The following NTN4 variants were observed in gnomAD, a reference collection of about 807,000 sequenced individuals.
NTN4 encodes the protein netrin-4.
Under a neutral mutation model 73.6 loss-of-function variants are expected in NTN4, and 32 were observed. That is an observed-to-expected ratio of 0.44 (90% CI 0.33 to 0.58). The LOEUF is 0.58. Among genes scored for constraint, NTN4 ranks in the 20% least tolerant of loss-of-function variants. The probability of loss-of-function intolerance (pLI) is 0.04; values close to 1 mark genes in which losing one functional copy is unlikely to be tolerated. For synonymous variants in NTN4, 258 were observed against 287.5 expected, an observed-to-expected ratio of 0.90 and a Z score of 1.04; for missense variants, 654 against 798.3, an observed-to-expected ratio of 0.82 and a Z score of 2.18.
intron 2 of NTN4, among the ~76,000 whole-genome samples, chr12:95,779,835 G>A (rs539706648): frequency 3.6e-4 from 55 of 152,290 alleles, no homozygotes; most frequent in African/African-American, 1.3e-3. Context: ...CCAAAAAAGA[G>A]CCTGCATTGC....
intron 2 of NTN4, among the ~76,000 whole-genome samples, chr12:95,779,232 C>T (rs1446799755): frequency 6.6e-6 from 1 of 152,120 alleles, no homozygotes; most frequent in Non-Finnish European, 1.5e-5. Context: ...GGAAGCATTC[C>T]CTTTGAAAAC....
Position 95,665,790 on chromosome 12 carries a change from T to A in NTN4, c.1750+20A>T, listed in dbSNP as rs199876569. On this transcript the variant is annotated intron_variant, in intron 9 of 9. Coordinates refer to ENST00000343702, the MANE Select transcript of NTN4 (RefSeq NM_021229.4). ...AGCAGAGACAAGGTAGGTACTAAGATAGGAAAGTCTAATACTCACCAGGAT... is the reference window on the plus strand; with the variant it reads ...AGCAGAGACAAGGTAGGTACTAAGAAAGGAAAGTCTAATACTCACCAGGAT... 1 of 1,594,868 alleles carries A rather than the reference T, an allele frequency of 6.3e-7. No homozygotes were observed. Among genetic ancestry groups the A allele is most frequent in the African/African-American group, 1.3e-5 (1 of 74,338 alleles).
intron 2 of NTN4, among the ~76,000 whole-genome samples, chr12:95,739,250 T>C (rs2078805052): frequency 6.6e-6 from 1 of 152,216 alleles, no homozygotes; most frequent in Non-Finnish European, 1.5e-5. Context: ...CTAAATTCAT[T>C]CGCATACTGA....
At chr12:95,733,496 GCA>G (rs2078753324) in intron 3 of NTN4, among the ~76,000 whole-genome samples, 1 of 152,178 alleles carries the variant, frequency 6.6e-6, no homozygotes, top group South Asian at 2.1e-4. Context: ...CATATCCCGG[GCA>G]CAGAGCATCA....
intron 7 of NTN4, among the ~76,000 whole-genome samples, chr12:95,671,450 C>T (rs1166643037): frequency 6.6e-6 from 1 of 152,152 alleles, no homozygotes; most frequent in Non-Finnish European, 1.5e-5. Flanking sequence ...CTTCCCATCA[C>T]TCAAATTACC....
chr12:95,754,290 A>T (rs1451596554), intron 2 of NTN4, among the ~76,000 whole-genome samples: 1 of 148,402 alleles, frequency 6.7e-6, no homozygotes, highest in Non-Finnish European at 1.5e-5. Flanking sequence ...ATCTTCCTTC[A>T]GCTTAATCTC....
chr12:95,689,575 A>G (rs2078386882), intron 5 of NTN4, among the ~76,000 whole-genome samples: 1 of 152,186 alleles, frequency 6.6e-6, no homozygotes, highest in Non-Finnish European at 1.5e-5. Flanking sequence ...AGCGTGCTCA[A>G]GGTGGGAGCT....
chr12:95,717,275 G>T (rs2078613333), intron 3 of NTN4, among the ~76,000 whole-genome samples: 1 of 152,078 alleles, frequency 6.6e-6, no homozygotes, highest in African/African-American at 2.4e-5. Context: ...CCAACACATG[G>T]GTTCATCCTG....
chr12:95,681,228 T>TGGAA (rs2078313797), intron 7 of NTN4, among the ~76,000 whole-genome samples: 1 of 147,660 alleles, frequency 6.8e-6, no homozygotes, highest in South Asian at 2.1e-4. Context: ...ATCATGTGCA[T>TGGAA]GGAATTCTGA....
intron 7 of NTN4, among the ~76,000 whole-genome samples, chr12:95,675,044 T>C (rs1016656749): frequency 6.6e-6 from 1 of 152,172 alleles, no homozygotes; most frequent in Non-Finnish European, 1.5e-5. Flanking sequence ...CTTAGAAAAA[T>C]AGAAGAACAC....
intron 9 of NTN4, among the ~76,000 whole-genome samples, chr12:95,661,035 C>CTT (rs2078133806): frequency 6.6e-6 from 1 of 152,118 alleles, no homozygotes; most frequent in Non-Finnish European, 1.5e-5. Context: ...GGGGTTATAA[C>CTT]TTGTCAAAGT....
intron 5 of NTN4, among the ~76,000 whole-genome samples, chr12:95,697,656 G>T (rs2078452381): frequency 6.7e-6 from 1 of 149,682 alleles, no homozygotes; most frequent in African/African-American, 2.5e-5. Flanking sequence ...AAAAAACTAG[G>T]TTCTTTAAAA....
intron 2 of NTN4, 71 bp from the exon 3 acceptor site, chr12:95,738,215 G>A (rs1177840534): frequency 2.9e-6 from 4 of 1,375,750 alleles, no homozygotes; most frequent in Non-Finnish European, 3.0e-6. Context: ...GCCTAATGTA[G>A]TCCCTGTTTG....
At chr12:95,668,617 T>C (rs1416523492) in intron 8 of NTN4, among the ~76,000 whole-genome samples, 1 of 152,256 alleles carries the variant, frequency 6.6e-6, no homozygotes, top group Non-Finnish European at 1.5e-5. Context: ...AGAACCTAAA[T>C]ACTTGGTTTC....
At chr12:95,687,419 G>A (rs1296491906) in intron 5 of NTN4, among the ~76,000 whole-genome samples, 1 of 146,670 alleles carries the variant, frequency 6.8e-6, no homozygotes, top group African/African-American at 2.5e-5. Context: ...TTTGTTTTTT[G>A]TGATGGAGTC....
At chr12:95,728,384 T>C (rs2121141904) in intron 3 of NTN4, among the ~76,000 whole-genome samples, 1 of 152,294 alleles carries the variant, frequency 6.6e-6, no homozygotes, top group East Asian at 1.9e-4. Flanking sequence ...GGAGGAAGTA[T>C]TTGGTTTTTC....
intron 4 of NTN4, among the ~76,000 whole-genome samples, chr12:95,712,924 C>A (rs79008086): frequency 0.035 from 5,262 of 151,712 alleles, 193 homozygotes; most frequent in African/African-American, 0.096. Flanking sequence ...AGGTGTGAGC[C>A]ATCCTCCTGT....
chr12:95,767,078 C>T (rs17041209), intron 2 of NTN4, among the ~76,000 whole-genome samples: 55,207 of 152,038 alleles, frequency 0.36, 10,674 homozygotes, highest in African/African-American at 0.51. Context: ...TGATGGATCT[C>T]CACTACCCAC....
intron 4 of NTN4, among the ~76,000 whole-genome samples, chr12:95,711,160 T>C (rs2078562565): frequency 6.6e-6 from 1 of 152,064 alleles, no homozygotes; most frequent in East Asian, 1.9e-4. Flanking sequence ...AGGTTACTAC[T>C]TTTTTTTAAA....
Sources: gnomAD v4.1 joint callset for allele counts (sites outside exome capture counted in the v4.1 genomes callset) on GRCh38, gnomAD v4.1.1 for gene constraint, MANE v1.5 for transcripts, NCBI Gene and HGNC (gene_info 2026-07-23, HGNC 2026-07-21) for gene names.